FERMT2: variants seen among roughly 807,000 people sequenced by gnomAD.
The protein encoded by FERMT2 is fermitin family homolog 2.
FERMT2 carries 15 observed loss-of-function variants against 82.7 expected under a neutral mutation model. The ratio of observed to expected loss-of-function variants is 0.18; its 90% CI spans 0.12 to 0.28. The LOEUF (loss-of-function observed/expected upper bound fraction) is 0.28, where lower values mean the gene tolerates loss of function less well. Ranked by LOEUF, FERMT2 falls within the 10% of genes least tolerant of loss-of-function variation. The pLI is 1.00. For synonymous variants in FERMT2, 274 were observed against 271.5 expected, an observed-to-expected ratio of 1.01 and a Z score of -0.09; for missense variants, 645 against 809.4, an observed-to-expected ratio of 0.80 and a Z score of 2.46.
At chr14:52,900,100 T>G (rs918425696) in intron 3 of FERMT2, among the ~76,000 whole-genome samples, 1 of 151,962 alleles carries the variant, frequency 6.6e-6, no homozygotes, top group Non-Finnish European at 1.5e-5. Flanking sequence ...ATAGCAATGT[T>G]TTTTTTTGTT....
chr14:52,873,299 A>C (rs1885743525), intron 9 of FERMT2, among the ~76,000 whole-genome samples: 1 of 152,218 alleles, frequency 6.6e-6, no homozygotes, highest in Non-Finnish European at 1.5e-5. Flanking sequence ...CTGCAGGTTT[A>C]TGGGTGTCTG....
At chr14:52,900,469 A>C (rs1336796017) in intron 3 of FERMT2, among the ~76,000 whole-genome samples, 1 of 152,072 alleles carries the variant, frequency 6.6e-6, no homozygotes, top group Non-Finnish European at 1.5e-5. Context: ...AGTATATTGA[A>C]TACGTGCATT....
intron 8 of FERMT2, 38 bp downstream of exon 8, chr14:52,875,185 A>C (rs1885878886): frequency 6.4e-7 from 1 of 1,570,364 alleles, no homozygotes; most frequent in South Asian, 1.2e-5. Flanking sequence ...GCATCAATTC[A>C]AGCTAAATTA....
chr14:52,858,796 A>G (rs930615102), intron 14 of FERMT2: 2 of 391,864 alleles, frequency 5.1e-6, no homozygotes, highest in African/African-American at 4.0e-5. Flanking sequence ...CAAGGGTTTT[A>G]GGTCGTTCAG....
At chr14:52,870,200 T>A (rs1360414783) in intron 10 of FERMT2, among the ~76,000 whole-genome samples, 1 of 151,028 alleles carries the variant, frequency 6.6e-6, no homozygotes, top group Non-Finnish European at 1.5e-5. Flanking sequence ...CCAGAGCAAC[T>A]CCCAGTCCTG....
intron 2 of FERMT2, among the ~76,000 whole-genome samples, chr14:52,926,411 AACACACACACACACAC>A (rs34726532): frequency 1.9e-4 from 28 of 147,066 alleles, no homozygotes; most frequent in Non-Finnish European, 2.5e-4. Flanking sequence ...GACCAAGTGC[AACACACACACACACAC>A]ACACACACAC....
intron 4 of FERMT2, among the ~76,000 whole-genome samples, chr14:52,882,884 A>C (rs1466090653): frequency 6.6e-6 from 1 of 152,058 alleles, no homozygotes; most frequent in Non-Finnish European, 1.5e-5. Context: ...TGTTCTTCCA[A>C]TGTTAGTACT....
intron 6 of FERMT2, among the ~76,000 whole-genome samples, chr14:52,880,139 T>C (rs1434377468): frequency 6.6e-6 from 1 of 152,038 alleles, no homozygotes; most frequent in Non-Finnish European, 1.5e-5. Flanking sequence ...GAGCCTGTAG[T>C]CCCAGCTACT....
At chr14:52,896,037 AGCCAC>A (rs1424500789) in intron 3 of FERMT2, among the ~76,000 whole-genome samples, 1 of 152,228 alleles carries the variant, frequency 6.6e-6, no homozygotes, top group Non-Finnish European at 1.5e-5. Context: ...TATAGGCGTG[AGCCAC>A]TGCACTTATT....
chr14:52,882,268 T>C (rs753523802), intron 4 of FERMT2, among the ~76,000 whole-genome samples: 6 of 152,158 alleles, frequency 3.9e-5, no homozygotes. Flanking sequence ...AAAGTATTAA[T>C]GTAAAAGGGG....
At chr14:52,897,149 A>G (rs1887332452) in intron 3 of FERMT2, among the ~76,000 whole-genome samples, 1 of 152,200 alleles carries the variant, frequency 6.6e-6, no homozygotes, top group South Asian at 2.1e-4. Context: ...GGCAAAAAAT[A>G]AAATGTTTTC....
intron 4 of FERMT2, 44 bp downstream of exon 4, chr14:52,893,249 T>C: frequency 6.5e-7 from 1 of 1,544,570 alleles, no homozygotes; most frequent in Non-Finnish European, 8.7e-7. Flanking sequence ...AGGTACACAG[T>C]CCACAGTTCT....
At chr14:52,892,765 GT>G (rs1160031081) in intron 4 of FERMT2, among the ~76,000 whole-genome samples, 3 of 152,076 alleles carry the variant, frequency 2.0e-5, no homozygotes, top group African/African-American at 7.2e-5. Context: ...CTTAAGTAAG[GT>G]TTTAAGGAAT....
intron 2 of FERMT2, among the ~76,000 whole-genome samples, chr14:52,919,889 A>T (rs578225403): frequency 6.6e-6 from 1 of 152,244 alleles, no homozygotes; most frequent in Non-Finnish European, 1.5e-5. Flanking sequence ...GAGAAACACT[A>T]TAACTTAAGA....
At chr14:52,941,872 G>A (rs1263010198) in intron 2 of FERMT2, among the ~76,000 whole-genome samples, 1 of 152,036 alleles carries the variant, frequency 6.6e-6, no homozygotes, top group African/African-American at 2.4e-5. Flanking sequence ...TCAAATACCT[G>A]GAATACCATC....
intron 2 of FERMT2, 52 bp downstream of exon 2, chr14:52,950,360 C>T: frequency 6.3e-7 from 1 of 1,582,124 alleles, no homozygotes; most frequent in South Asian, 1.1e-5. Flanking sequence ...TCTTTCCTCC[C>T]CCTACCAATT....
At chr14:52,933,261 G>C (rs1369294392) in intron 2 of FERMT2, among the ~76,000 whole-genome samples, 1 of 152,072 alleles carries the variant, frequency 6.6e-6, no homozygotes, top group Non-Finnish European at 1.5e-5. Context: ...CCCTTAAGCA[G>C]CTGTTAATTT....
At chr14:52,929,750 C>T (rs930264841) in intron 2 of FERMT2, among the ~76,000 whole-genome samples, 1 of 152,156 alleles carries the variant, frequency 6.6e-6, no homozygotes, top group African/African-American at 2.4e-5. Flanking sequence ...CTATGTCCCC[C>T]CATACTGTTG....
rs1454945763 is a variant in FERMT2, at chr14:52,948,707, G to A, written c.157+1705C>T. On this transcript the variant is annotated intron_variant, in intron 2 of 14. Coordinates refer to ENST00000341590, the MANE Select transcript of FERMT2 (RefSeq NM_006832.3). Reference sequence around the variant, plus strand: ...TATTACTGTGATTCTATAATAAACAGTCCTAAGCAATGCAAAATAAATATA... The same window carrying A: ...TATTACTGTGATTCTATAATAAACAATCCTAAGCAATGCAAAATAAATATA... 7.2e-5 allele frequency: 24 copies of A among 331,898 alleles called. No individual in the cohort carries two copies. The Admixed American group carries it at 1.0e-3, about 14-fold the overall frequency. 20.6% of individuals were successfully genotyped at this position (331,898 alleles called of 1,614,324 possible).
Sources: gnomAD v4.1 joint callset for allele counts (sites outside exome capture counted in the v4.1 genomes callset) on GRCh38, gnomAD v4.1.1 for gene constraint, MANE v1.5 for transcripts, NCBI Gene and HGNC (gene_info 2026-07-23, HGNC 2026-07-21) for gene names.